The following CACNA2D3 variants were observed in gnomAD, a reference collection of about 807,000 sequenced individuals.
CACNA2D3 encodes voltage-dependent calcium channel subunit alpha-2/delta-3.
In CACNA2D3, 60 loss-of-function variants were observed where a neutral mutation model predicts 160.6. The ratio of observed to expected loss-of-function variants is 0.37; its 90% CI spans 0.30 to 0.46. CACNA2D3 has a LOEUF of 0.46. Among genes scored for constraint, CACNA2D3 ranks in the 20% least tolerant of loss-of-function variants. The probability of loss-of-function intolerance (pLI) is 1.00; values close to 1 mark genes in which losing one functional copy is unlikely to be tolerated. For missense variants in CACNA2D3, 1,205 were observed against 1,365.0 expected (o/e 0.88, Z 1.85); for synonymous variants, 558 against 492.9 (o/e 1.13, Z -1.75).
Position 54,820,339 on chromosome 3 carries a change from C to G in CACNA2D3, c.1398+3469C>G, listed in dbSNP as rs147522319. 4.0e-3 allele frequency among the ~76,000 whole-genome samples: 612 copies of G among 152,252 alleles called. 4 individuals are homozygous for G. Among genetic ancestry groups the G allele is most frequent in the African/African-American group, 0.013 (528 of 41,552 alleles). On this transcript the variant is annotated intron_variant, in intron 14 of 37. Coordinates refer to ENST00000474759, the MANE Select transcript of CACNA2D3 (RefSeq NM_018398.3). ...TCTTATGTGTAGCAGCCATTAATGA[C>G]TGTTGTCTGTAAGTTATGGTTTTCA...
At chr3:54,304,082 C>A (rs995399849) in intron 2 of CACNA2D3, among the ~76,000 whole-genome samples, 1 of 151,872 alleles carries the variant, frequency 6.6e-6, no homozygotes, top group Non-Finnish European at 1.5e-5. Flanking sequence ...TGTGGCGGGG[C>A]CTGCTCTGTA....
intron 3 of CACNA2D3, among the ~76,000 whole-genome samples, chr3:54,337,227 T>C (rs1013848021): frequency 6.6e-6 from 1 of 152,226 alleles, no homozygotes; most frequent in Non-Finnish European, 1.5e-5. Context: ...TCTTAACTGC[T>C]TTCCTTGTAC....
intron 3 of CACNA2D3, among the ~76,000 whole-genome samples, chr3:54,340,843 G>A (rs1014720329): frequency 6.6e-6 from 1 of 152,158 alleles, no homozygotes; most frequent in Non-Finnish European, 1.5e-5. Context: ...CATCCCAGGT[G>A]TGAGCACAAG....
At chr3:54,633,953 G>A (rs1266010667) in intron 10 of CACNA2D3, among the ~76,000 whole-genome samples, 2 of 152,112 alleles carry the variant, frequency 1.3e-5, no homozygotes, top group East Asian at 1.9e-4. Context: ...TACCCCGTGC[G>A]TGATTCGAGT....
intron 13 of CACNA2D3, among the ~76,000 whole-genome samples, chr3:54,764,567 C>A (rs1702182686): frequency 6.6e-6 from 1 of 152,200 alleles, no homozygotes. Context: ...GGTAGCTGGT[C>A]TGCACAAAAG....
intron 11 of CACNA2D3, among the ~76,000 whole-genome samples, chr3:54,659,503 C>T (rs142008648): frequency 2.1e-4 from 32 of 152,318 alleles, no homozygotes; most frequent in African/African-American, 6.3e-4. Context: ...CCTCCTCCTC[C>T]TCTGAATCTC....
Position 54,254,754 on chromosome 3 carries a change from T to A in CACNA2D3, c.205-65688T>A, listed in dbSNP as rs545754369. The stretch of plus-strand genomic sequence containing the variant: ...AGTAAAAATCTTCCTTGTCAGAAAT[T>A]CACAGGAATCAACAAGGAAGATATG... On this transcript the variant is annotated intron_variant, in intron 2 of 37. Coordinates refer to ENST00000474759, the MANE Select transcript of CACNA2D3 (RefSeq NM_018398.3). 2.0e-5 allele frequency among the ~76,000 whole-genome samples: 3 copies of A among 152,302 alleles called. 1 individual carries two copies. The South Asian group carries it at 6.2e-4, about 32-fold the overall frequency.
chr3:54,554,876 T>C (rs1390947308), intron 5 of CACNA2D3, among the ~76,000 whole-genome samples: 4 of 135,608 alleles, frequency 2.9e-5, no homozygotes, highest in African/African-American at 9.2e-5. Flanking sequence ...CTCTCTTTTT[T>C]TTTTTTTTTT....
At chr3:54,264,136 T>C (rs1702457529) in intron 2 of CACNA2D3, among the ~76,000 whole-genome samples, 1 of 152,178 alleles carries the variant, frequency 6.6e-6, no homozygotes, top group Admixed American at 6.5e-5. Context: ...CCAATCATAA[T>C]TAACATAATC....
intron 11 of CACNA2D3, among the ~76,000 whole-genome samples, chr3:54,697,209 C>T (rs1260217222): frequency 6.6e-6 from 1 of 152,094 alleles, no homozygotes; most frequent in Non-Finnish European, 1.5e-5. Flanking sequence ...GCCCAGGCAG[C>T]GGAGGTTGCA....
At chr3:55,021,685 A>G (rs1703457899) in intron 35 of CACNA2D3, among the ~76,000 whole-genome samples, 1 of 144,878 alleles carries the variant, frequency 6.9e-6, no homozygotes, top group East Asian at 1.9e-4. Context: ...ATGTGTATAT[A>G]TATATATGTG....
chr3:54,604,893 G>T (rs560629242), intron 9 of CACNA2D3, among the ~76,000 whole-genome samples: 1 of 152,248 alleles, frequency 6.6e-6, no homozygotes, highest in East Asian at 1.9e-4. Flanking sequence ...TAGTTCGCAA[G>T]GGCTGCTGTG....
intron 4 of CACNA2D3, among the ~76,000 whole-genome samples, chr3:54,464,956 C>G (rs1559489003): frequency 6.6e-6 from 1 of 152,140 alleles, no homozygotes; most frequent in Non-Finnish European, 1.5e-5. Context: ...CATCTCTTCT[C>G]CTTTTTGAAC....
intron 5 of CACNA2D3, among the ~76,000 whole-genome samples, chr3:54,549,399 T>TCGTG (rs1410908357): frequency 6.6e-6 from 1 of 152,176 alleles, no homozygotes; most frequent in Admixed American, 6.5e-5. Context: ...TGAGCCGAGA[T>TCGTG]CGTGCCACTG....
intron 16 of CACNA2D3, among the ~76,000 whole-genome samples, chr3:54,843,054 C>T (rs1382538244): frequency 4.0e-5 from 6 of 150,976 alleles, no homozygotes; most frequent in Non-Finnish European, 7.4e-5. Flanking sequence ...TTCCACCTCC[C>T]GGGTTCAAGC....
chr3:54,402,942 C>G (rs1699497747), intron 4 of CACNA2D3, among the ~76,000 whole-genome samples: 1 of 152,026 alleles, frequency 6.6e-6, no homozygotes, highest in South Asian at 2.1e-4. Context: ...TTTATGACCA[C>G]AAGTATATGA....
At chr3:54,780,127 G>C (rs919747703) in intron 13 of CACNA2D3, among the ~76,000 whole-genome samples, 1 of 152,182 alleles carries the variant, frequency 6.6e-6, no homozygotes, top group Non-Finnish European at 1.5e-5. Flanking sequence ...ATAATATAAA[G>C]AATATTGCTA....
At chr3:54,405,269 T>TAAAAAAAAAA (rs34019072) in intron 4 of CACNA2D3, among the ~76,000 whole-genome samples, 1 of 100,950 alleles carries the variant, frequency 9.9e-6, no homozygotes, top group Non-Finnish European at 2.2e-5. Context: ...TACTACTCAG[T>TAAAAAAAAAA]AAAAAAAAAA....
intron 27 of CACNA2D3, among the ~76,000 whole-genome samples, chr3:54,968,118 A>AT (rs112483531): frequency 8.1e-5 from 12 of 148,932 alleles, no homozygotes; most frequent in East Asian, 5.9e-4. Context: ...GATCTTTTGA[A>AT]TTTTTTTTTT....
Sources: allele counts gnomAD v4.1 joint callset (sites outside exome capture counted in the v4.1 genomes callset), GRCh38; gene constraint gnomAD v4.1.1; transcripts MANE v1.5; gene names NCBI Gene and HGNC (gene_info 2026-07-23, HGNC 2026-07-21).